The following LCOR variants were observed in gnomAD, a reference collection of about 807,000 sequenced individuals.
The protein encoded by LCOR is ligand-dependent corepressor.
A neutral mutation model predicts 64.4 loss-of-function variants in LCOR; 14 were observed. The ratio of observed to expected loss-of-function variants is 0.22; its 90% CI spans 0.14 to 0.34. The LOEUF is 0.34. LCOR is among the 10% of genes least tolerant of loss of function. The pLI is 1.00. For synonymous variants in LCOR, 643 were observed against 642.5 expected (o/e 1.00, Z -0.01); for missense variants, 1,686 against 1,765.3 (o/e 0.96, Z 0.80).
At chr10:96,849,469 C>T (rs960748723) in intron 2 of LCOR, among the ~76,000 whole-genome samples, 2 of 152,164 alleles carry the variant, frequency 1.3e-5, no homozygotes, top group African/African-American at 4.8e-5. Flanking sequence ...CTCGGCCTCC[C>T]GAAGTGCTGT....
At chr10:96,853,823 A>G (rs1845758668) in intron 2 of LCOR, among the ~76,000 whole-genome samples, 1 of 152,210 alleles carries the variant, frequency 6.6e-6, no homozygotes, top group Non-Finnish European at 1.5e-5. Context: ...GAGTGGCCTT[A>G]GGAAACTTAA....
intron 4 of LCOR, among the ~76,000 whole-genome samples, chr10:96,928,228 ACTT>A (rs1391050010): frequency 6.6e-6 from 1 of 152,160 alleles, no homozygotes; most frequent in African/African-American, 2.4e-5. Context: ...CCGTAGTAGA[ACTT>A]CTTTCAAAAT....
At chr10:96,920,774 ACACACACACACACACACG>A (rs947374281) in intron 4 of LCOR, among the ~76,000 whole-genome samples, 25 of 125,298 alleles carry the variant, frequency 2.0e-4, no homozygotes, top group Non-Finnish European at 3.5e-4. Flanking sequence ...ACACACACAC[ACACACACACACACACACG>A]CGCGGTGGGG....
chr10:96,900,564 A>C (rs556691076), intron 2 of LCOR, among the ~76,000 whole-genome samples: 14 of 152,288 alleles, frequency 9.2e-5, no homozygotes, highest in African/African-American at 2.6e-4. Flanking sequence ...CAATCAAGGA[A>C]TAAAAGAAAC....
intron 4 of LCOR, among the ~76,000 whole-genome samples, chr10:96,931,726 A>G (rs149492601): frequency 5.3e-5 from 8 of 152,342 alleles, no homozygotes; most frequent in Admixed American, 2.0e-4. Flanking sequence ...TAAATTTTAT[A>G]TACAAACATA....
At chr10:96,843,045 G>A (rs1002110128) in intron 2 of LCOR, among the ~76,000 whole-genome samples, 7 of 152,028 alleles carry the variant, frequency 4.6e-5, no homozygotes, top group Admixed American at 3.3e-4. Flanking sequence ...TGTTTTTCAC[G>A]TTTTTTTATT....
intron 4 of LCOR, among the ~76,000 whole-genome samples, chr10:96,928,387 G>C (rs530341802): frequency 1.3e-5 from 2 of 152,118 alleles, no homozygotes; most frequent in African/African-American, 4.8e-5. Flanking sequence ...TTCAAAACAT[G>C]ATGTAGACTC....
At chr10:96,927,596 G>A (rs1456744600) in intron 4 of LCOR, among the ~76,000 whole-genome samples, 1 of 151,996 alleles carries the variant, frequency 6.6e-6, no homozygotes, top group African/African-American at 2.4e-5. Flanking sequence ...AGTAGTAACT[G>A]TTATATTTTG....
chr10:96,851,285 A>G (rs560542935), intron 2 of LCOR, among the ~76,000 whole-genome samples: 22 of 152,290 alleles, frequency 1.4e-4, no homozygotes, highest in African/African-American at 5.1e-4. Context: ...TTTTCCCCAA[A>G]TGTGACTTAA....
intron 4 of LCOR, among the ~76,000 whole-genome samples, chr10:96,921,493 G>A (rs988421186): frequency 1.3e-5 from 2 of 151,824 alleles, no homozygotes; most frequent in Admixed American, 6.6e-5. Context: ...ACGGAGTTTC[G>A]CTCTATCTCC....
intron 2 of LCOR, among the ~76,000 whole-genome samples, chr10:96,889,057 A>C (rs1019860533): frequency 2.0e-5 from 3 of 152,220 alleles, no homozygotes; most frequent in Admixed American, 1.3e-4. Flanking sequence ...AGGAGCTTTT[A>C]GTATATTCAA....
rs1467871037 is a variant in LCOR at position 96,908,722 on chromosome 10, TC to T, written c.-184+976del. On this transcript the variant is annotated intron_variant, in intron 4 of 7. Coordinates refer to ENST00000421806, the MANE Select transcript of LCOR (RefSeq NM_001346516.2). ...AAATGCTTTCTTCTGCCGTATACACTCTTTTTTTTTTGAGATGGAGTCTCAC... is the reference window on the plus strand; with the variant it reads ...AAATGCTTTCTTCTGCCGTATACACTTTTTTTTTTTGAGATGGAGTCTCAC... Among the ~76,000 whole-genome samples, 24 of 94,886 alleles carry T rather than the reference TC, an allele frequency of 2.5e-4. No individual in the cohort carries two copies. In the East Asian group the frequency reaches 4.3e-3, roughly 17 times the overall value. The allele number at this position is 94,886 out of a possible 152,430, so 62.2% of individuals were successfully genotyped here.
At chr10:96,968,701 G>A (rs895545900) in intron 7 of LCOR, among the ~76,000 whole-genome samples, 2 of 152,068 alleles carry the variant, frequency 1.3e-5, no homozygotes, top group Non-Finnish European at 2.9e-5. Flanking sequence ...TTGGGAGGCC[G>A]AAATGAGATG....
intron 2 of LCOR, among the ~76,000 whole-genome samples, chr10:96,835,914 A>T (rs1213817456): frequency 6.6e-6 from 1 of 152,202 alleles, no homozygotes; most frequent in Non-Finnish European, 1.5e-5. Context: ...GTGATTATTA[A>T]GGAGTCCTCT....
At chr10:96,904,364 G>C (rs1236579482) in intron 2 of LCOR, among the ~76,000 whole-genome samples, 4 of 152,186 alleles carry the variant, frequency 2.6e-5, no homozygotes, top group African/African-American at 9.7e-5. Flanking sequence ...GAGCAGGAAA[G>C]GTCTGGTAAG....
At chr10:96,895,584 C>T (rs906420259) in intron 2 of LCOR, among the ~76,000 whole-genome samples, 15 of 152,216 alleles carry the variant, frequency 9.9e-5, no homozygotes, top group African/African-American at 3.6e-4. Flanking sequence ...TGTTAAAATT[C>T]AAAATCCAGT....
chr10:96,866,740 A>G (rs1266193357), intron 2 of LCOR, among the ~76,000 whole-genome samples: 1 of 151,580 alleles, frequency 6.6e-6, no homozygotes, highest in African/African-American at 2.4e-5. Flanking sequence ...ACACCCAGCT[A>G]ATTATTTGTA....
rs925237215 is a variant in LCOR, at chr10:96,957,134, A to G, written c.332+4938A>G. ...GGAATTCCTTTTTTAACTGATCCAA[A>G]TACTAGTAGAAGGGGGAGGGAGAGG... On this transcript the variant is annotated intron_variant, in intron 7 of 7. Transcript: ENST00000421806. 34 of 984,976 alleles carry G rather than the reference A, an allele frequency of 3.5e-5. 1 individual carries two copies. In the South Asian group the frequency reaches 5.2e-4, roughly 15 times the overall value. 61.0% of individuals were successfully genotyped at this position (984,976 alleles called of 1,614,324 possible).
chr10:96,859,748 G>A (rs1391797231), intron 2 of LCOR, among the ~76,000 whole-genome samples: 1 of 152,122 alleles, frequency 6.6e-6, no homozygotes, highest in Non-Finnish European at 1.5e-5. Flanking sequence ...TAGTAGAGAA[G>A]GGGTTTTGCC....
Sources: allele counts gnomAD v4.1 joint callset (sites outside exome capture counted in the v4.1 genomes callset), GRCh38; gene constraint gnomAD v4.1.1; transcripts MANE v1.5; gene names NCBI Gene and HGNC (gene_info 2026-07-23, HGNC 2026-07-21).